The following PRKACB variants were observed in gnomAD, a reference collection of about 807,000 sequenced individuals.
The protein encoded by PRKACB is cAMP-dependent protein kinase catalytic subunit beta.
PRKACB carries 16 observed loss-of-function variants against 51.4 expected under a neutral mutation model. The ratio of observed to expected loss-of-function variants is 0.31; its 90% CI spans 0.21 to 0.47. The LOEUF (loss-of-function observed/expected upper bound fraction) is 0.47. Ranked by LOEUF, PRKACB falls within the 20% of genes least tolerant of loss-of-function variation. The pLI is 1.00. For missense variants in PRKACB, 309 were observed against 464.5 expected (o/e 0.67, Z 3.08); for synonymous variants, 147 against 154.4 (o/e 0.95, Z 0.35).
At chr1:84,134,300 G>A (rs1346544406) in intron 1 of PRKACB, among the ~76,000 whole-genome samples, 1 of 152,192 alleles carries the variant, frequency 6.6e-6, no homozygotes, top group East Asian at 1.9e-4. Flanking sequence ...AGGAATGTAT[G>A]TTCTCACTTT....
Position 84,175,418 on chromosome 1 carries a change from A to G in PRKACB, c.188-3759A>G, listed in dbSNP as rs538064252. ...ATTCTTTTAAGAATTGGATAATGGT[A>G]TACTGTGACTAACAACATACTCTTT... On this transcript the variant is annotated intron_variant, in intron 1 of 9. Coordinates refer to ENST00000370685, the MANE Select transcript of PRKACB (RefSeq NM_182948.4). Among the ~76,000 whole-genome samples the G allele has an allele frequency of 7.9e-5, 12 of 151,860 alleles. No individual in the cohort carries two copies. The South Asian group carries it at 2.3e-3, about 29-fold the overall frequency.
chr1:84,165,033 C>T, intron 1 of PRKACB: 1 of 1,479,192 alleles, frequency 6.8e-7, no homozygotes, highest in Non-Finnish European at 9.2e-7. Flanking sequence ...CTCTCTGAGA[C>T]TCTGCAGCTG....
intron 9 of PRKACB, among the ~76,000 whole-genome samples, chr1:84,219,608 C>T (rs1673396509): frequency 6.6e-6 from 1 of 150,764 alleles, no homozygotes; most frequent in Non-Finnish European, 1.5e-5. Context: ...GTACTTAATT[C>T]ATTTTGAGTG....
intron 8 of PRKACB, 39 bp from the exon 9 acceptor site, chr1:84,214,114 C>T: frequency 6.4e-7 from 1 of 1,555,692 alleles, no homozygotes; most frequent in Non-Finnish European, 8.7e-7. Context: ...TATCATGAGT[C>T]TTAGAATGTG....
At position 84,236,859 on chromosome 1, in the gene PRKACB, G is replaced by T. The variant is rs1676705296; in HGVS notation, c.*1554G>T. 1 of 152,358 alleles carries T rather than the reference G, an allele frequency of 6.6e-6. No individual in the cohort carries two copies. Among genetic ancestry groups the T allele is most frequent in the Non-Finnish European group, 1.5e-5 (1 of 67,950 alleles). The allele number at this position is 152,358 out of a possible 1,614,324, so 9.4% of individuals were successfully genotyped here. ...ACAACACACGAGAAGAGTTAAACTG[G>T]GTTCATTTTAATGATCAATTTACCT... On this transcript the variant is annotated 3_prime_UTR_variant, in exon 10 of 10. Transcript: ENST00000370685.
rs77697668 is a variant in PRKACB at position 84,144,477 on chromosome 1, A to G, written c.116A>G (p.His39Arg). The G allele has an allele frequency of 2.5e-6, 4 of 1,612,090 alleles. No individual in the cohort carries two copies. The highest frequency in any genetic ancestry group is 1.1e-5 in the South Asian group (1 of 90,796). Residue 39 changes from histidine (H) to arginine (R), a missense_variant, in exon 1 of 10, where the codon CAT becomes CGT. This residue lies in a region of PRKACB where 153 missense variants were observed against 190.2 expected (regional missense o/e 0.80). Transcript: ENST00000370685. ...LFHRHSKGTA[H>R]DQKTALENDS... ...CATAGACACTCTAAAGGTACTGCAC[A>G]TGATCAGAAAACAGCTCTGGAAAAT... is the stretch of plus-strand genomic sequence containing the variant.
At chr1:84,218,385 G>A (rs1357343957) in intron 9 of PRKACB, among the ~76,000 whole-genome samples, 1 of 151,980 alleles carries the variant, frequency 6.6e-6, no homozygotes, top group Non-Finnish European at 1.5e-5. Context: ...ACTTTTTTAG[G>A]TTCCACATGT....
intron 1 of PRKACB, among the ~76,000 whole-genome samples, chr1:84,130,873 A>G (rs1353341734): frequency 6.6e-6 from 1 of 152,226 alleles, no homozygotes; most frequent in Non-Finnish European, 1.5e-5. Flanking sequence ...TATCTGGATA[A>G]ATATAATAAA....
chr1:84,181,024 T>TA (rs771261836), intron 2 of PRKACB, among the ~76,000 whole-genome samples: 1 of 152,014 alleles, frequency 6.6e-6, no homozygotes, highest in Admixed American at 6.6e-5. Flanking sequence ...TCTGTGTTGA[T>TA]AAAAAAATCT....
At chr1:84,158,110 C>T (rs1034561280) in intron 1 of PRKACB, among the ~76,000 whole-genome samples, 3 of 151,380 alleles carry the variant, frequency 2.0e-5, no homozygotes, top group Non-Finnish European at 4.4e-5. Context: ...AAGTCTCACT[C>T]TGTCACCCAG....
rs375547337 is a variant in PRKACB, at chr1:84,168,329, G to T, written c.188-10848G>T. Reference sequence around the variant, plus strand: ...CACTGTGTAGCGAATAGGTTTCTCTGATGCTTGTGCAAAATGGAGCTTAGT... The same window carrying T: ...CACTGTGTAGCGAATAGGTTTCTCTTATGCTTGTGCAAAATGGAGCTTAGT... On this transcript the variant is annotated intron_variant, in intron 1 of 9. Transcript: ENST00000370685. Among the ~76,000 whole-genome samples, 14 of 151,510 alleles carry T rather than the reference G, an allele frequency of 9.2e-5. No homozygotes were observed. The East Asian group carries it at 1.5e-3, about 17-fold the overall frequency.
Position 84,185,192 on chromosome 1 carries a change from G to C in PRKACB, c.560+10G>C. On this transcript the variant is annotated intron_variant, in intron 5 of 9. Transcript: ENST00000370685. ...GAATTGGAAGGTTCAGGTAACTAAT[G>C]GTTTTGCTTTCTTCAAATCTTTATA... 1 of 1,494,938 alleles carries C rather than the reference G, an allele frequency of 6.7e-7. No homozygotes were observed. Among genetic ancestry groups the C allele is most frequent in the South Asian group, 1.3e-5 (1 of 74,430 alleles). The allele number at this position is 1,494,938 out of a possible 1,614,324, so 92.6% of individuals were successfully genotyped here.
intron 8 of PRKACB, among the ~76,000 whole-genome samples, chr1:84,208,362 CGTTT>C (rs1671654264): frequency 6.6e-6 from 1 of 152,122 alleles, no homozygotes; most frequent in Non-Finnish European, 1.5e-5. Flanking sequence ...TTTTATAGTT[CGTTT>C]AACATATTAC....
intron 8 of PRKACB, among the ~76,000 whole-genome samples, chr1:84,207,131 G>A (rs560524928): frequency 1.3e-5 from 2 of 152,222 alleles, no homozygotes; most frequent in African/African-American, 4.8e-5. Flanking sequence ...ACACTTCACT[G>A]TGGCTATTTA....
intron 1 of PRKACB, among the ~76,000 whole-genome samples, chr1:84,160,296 G>T (rs1656019638): frequency 6.6e-6 from 1 of 151,806 alleles, no homozygotes; most frequent in African/African-American, 2.4e-5. Flanking sequence ...TTGTGCCTAA[G>T]AGTTTTTCCA....
chr1:84,230,201 A>G (rs865799754), intron 9 of PRKACB, among the ~76,000 whole-genome samples: 3,771 of 150,924 alleles, frequency 0.025, 156 homozygotes, highest in African/African-American at 0.086. Flanking sequence ...TCCTTTCCCC[A>G]TTGCTTGTTT....
intron 1 of PRKACB, among the ~76,000 whole-genome samples, chr1:84,106,045 TC>T (rs1055008636): frequency 2.0e-5 from 3 of 152,086 alleles, no homozygotes; most frequent in Admixed American, 6.6e-5. Context: ...TTATAAGTAA[TC>T]TAGAGATTAT....
intron 7 of PRKACB, among the ~76,000 whole-genome samples, chr1:84,199,988 G>A (rs555216633): frequency 2.0e-5 from 3 of 152,046 alleles, no homozygotes; most frequent in South Asian, 4.2e-4. Flanking sequence ...TGGGACTACC[G>A]GCATGCACTA....
chr1:84,214,330 T>A lies in PRKACB; in HGVS notation c.1071+13T>A. Reference sequence around the variant, plus strand: ...TTACCAGAGGAAGGTGAGACTTTCTTTTTTAATTTAAAAGCTTTTTTAAAG... The same window carrying A: ...TTACCAGAGGAAGGTGAGACTTTCTATTTTAATTTAAAAGCTTTTTTAAAG... On this transcript the variant is annotated intron_variant, in intron 9 of 9. Transcript: ENST00000370685. 1 of 1,553,372 alleles carries A rather than the reference T, an allele frequency of 6.4e-7. No individual in the cohort carries two copies. The highest frequency in any genetic ancestry group is 8.7e-7 in the Non-Finnish European group (1 of 1,152,656).
Sources: allele counts gnomAD v4.1 joint callset (sites outside exome capture counted in the v4.1 genomes callset), GRCh38; gene constraint gnomAD v4.1.1; regional missense constraint gnomAD v4.1.1; transcripts MANE v1.5; gene names NCBI Gene and HGNC (gene_info 2026-07-23, HGNC 2026-07-21).